The following MYO16 variants were observed in gnomAD, a reference collection of about 807,000 sequenced individuals.
The protein encoded by MYO16 is myosin XVI.
MYO16 carries 94 observed loss-of-function variants against 205.3 expected under a neutral mutation model. The observed-to-expected ratio is 0.46, with a 90% CI of 0.39 to 0.54. MYO16 has a LOEUF of 0.54. Ranked by LOEUF, MYO16 falls within the 20% of genes least tolerant of loss-of-function variation. MYO16 has a pLI of 0.00. For missense variants in MYO16, 2,315 were observed against 2,387.5 expected, an observed-to-expected ratio of 0.97 and a Z score of 0.63; for synonymous variants, 988 against 954.0, an observed-to-expected ratio of 1.04 and a Z score of -0.66.
chr13:108,660,796 G>A (rs1460659867), intron 1 of MYO16, among the ~76,000 whole-genome samples: 1 of 152,096 alleles, frequency 6.6e-6, no homozygotes, highest in Non-Finnish European at 1.5e-5. Context: ...TGAAATGTGA[G>A]GTATCATTGC....
the MYO16 span, among the ~76,000 whole-genome samples, chr13:108,499,666 A>G: frequency 6.6e-6 from 1 of 152,176 alleles, no homozygotes; most frequent in Non-Finnish European, 1.5e-5. Flanking sequence ...TTAGGTTTAC[A>G]CTCTCAACTG....
the MYO16 span, among the ~76,000 whole-genome samples, chr13:108,500,825 A>T: frequency 2.0e-5 from 3 of 152,018 alleles, no homozygotes; most frequent in Non-Finnish European, 4.4e-5. Flanking sequence ...GACTTGAATG[A>T]TTTTCTATCA....
At chr13:108,759,188 CCTT>C (rs1490064034) in intron 4 of MYO16, among the ~76,000 whole-genome samples, 1 of 151,888 alleles carries the variant, frequency 6.6e-6, no homozygotes, top group African/African-American at 2.4e-5. Context: ...AACATCTAAA[CCTT>C]CTAAAGATTT....
intron 20 of MYO16, among the ~76,000 whole-genome samples, chr13:108,966,809 A>T (rs1040236222): frequency 1.2e-4 from 18 of 152,184 alleles, no homozygotes; most frequent in African/African-American, 4.3e-4. Flanking sequence ...ATTTAAATTC[A>T]TGGAAAGCTT....
intron 34 of MYO16, among the ~76,000 whole-genome samples, chr13:109,203,557 T>G (rs1157550515): frequency 6.6e-6 from 1 of 152,160 alleles, no homozygotes; most frequent in Non-Finnish European, 1.5e-5. Context: ...AGTCTACCCC[T>G]GGTTCTCTCC....
At chr13:109,084,368 T>A (rs576159136) in intron 27 of MYO16, among the ~76,000 whole-genome samples, 3 of 150,904 alleles carry the variant, frequency 2.0e-5, no homozygotes, top group East Asian at 3.9e-4. Context: ...GACTTGATGA[T>A]GACTTTGACC....
intron 27 of MYO16, among the ~76,000 whole-genome samples, chr13:109,066,646 A>G (rs1413235073): frequency 2.0e-5 from 3 of 152,204 alleles, no homozygotes; most frequent in Non-Finnish European, 4.4e-5. Flanking sequence ...CTTTTTGTAT[A>G]AAGGACCAAA....
chr13:108,540,791 T>C, the MYO16 span, among the ~76,000 whole-genome samples: 3 of 152,114 alleles, frequency 2.0e-5, no homozygotes, highest in African/African-American at 4.8e-5. Flanking sequence ...AAGAGCTTAG[T>C]TGGATCAGAA....
intron 16 of MYO16, among the ~76,000 whole-genome samples, chr13:108,914,843 A>G (rs957755133): frequency 2.0e-5 from 3 of 152,064 alleles, no homozygotes; most frequent in African/African-American, 7.2e-5. Context: ...GGGTTTCACC[A>G]TGTTGGCCAG....
chr13:109,018,087 C>T (rs187160827), intron 22 of MYO16, among the ~76,000 whole-genome samples: 2 of 152,290 alleles, frequency 1.3e-5, no homozygotes, highest in East Asian at 3.9e-4. Flanking sequence ...TCTGGTTTCT[C>T]CCCATCTTTG....
intron 1 of MYO16, among the ~76,000 whole-genome samples, chr13:108,608,647 A>G (rs1197030937): frequency 1.1e-5 from 1 of 94,804 alleles, no homozygotes; most frequent in African/African-American, 3.5e-5. Flanking sequence ...ACTTACCCAC[A>G]AATGATTTTT....
intron 1 of MYO16, among the ~76,000 whole-genome samples, chr13:108,600,997 G>T (rs1462347787): frequency 1.3e-5 from 2 of 152,000 alleles, no homozygotes; most frequent in African/African-American, 4.8e-5. Context: ...AGAGAAAAAA[G>T]TAATCCCAGG....
At chr13:109,184,614 T>G (rs1332150477) in intron 34 of MYO16, among the ~76,000 whole-genome samples, 2 of 152,110 alleles carry the variant, frequency 1.3e-5, no homozygotes, top group Admixed American at 1.3e-4. Flanking sequence ...TTTGTGTGTG[T>G]GTTTGAGATA....
intron 16 of MYO16, among the ~76,000 whole-genome samples, chr13:108,932,541 T>C (rs893035281): frequency 6.6e-6 from 1 of 152,200 alleles, no homozygotes; most frequent in African/African-American, 2.4e-5. Context: ...TTAAATTCCT[T>C]CATTAAAATG....
chr13:108,804,008 G>T (rs1049082492), intron 6 of MYO16, among the ~76,000 whole-genome samples: 1 of 152,116 alleles, frequency 6.6e-6, no homozygotes, highest in Non-Finnish European at 1.5e-5. Context: ...TATCCTTGTG[G>T]CTTGACCTCA....
chr13:108,596,647 C>G (rs1426296585), intron 1 of MYO16, among the ~76,000 whole-genome samples: 1 of 152,102 alleles, frequency 6.6e-6, no homozygotes, highest in African/African-American at 2.4e-5. Context: ...TTTTCTTATT[C>G]AAGAGCACAT....
intron 32 of MYO16, among the ~76,000 whole-genome samples, chr13:109,156,935 T>TA: frequency 6.6e-6 from 1 of 152,198 alleles, no homozygotes; most frequent in Non-Finnish European, 1.5e-5. Context: ...CCAGTCCTAA[T>TA]AAATTCTCTT....
intron 27 of MYO16, among the ~76,000 whole-genome samples, chr13:109,071,558 G>A (rs1333687544): frequency 2.6e-5 from 4 of 152,100 alleles, no homozygotes; most frequent in African/African-American, 7.2e-5. Flanking sequence ...AATACAACAT[G>A]TGGCATTCAT....
intron 31 of MYO16, among the ~76,000 whole-genome samples, chr13:109,130,152 A>G (rs1876462266): frequency 6.6e-6 from 1 of 152,224 alleles, no homozygotes. Flanking sequence ...ATTCCTTATT[A>G]CATGCTATCA....
Sources: allele counts gnomAD v4.1 joint callset (sites outside exome capture counted in the v4.1 genomes callset), GRCh38; gene constraint gnomAD v4.1.1; transcripts MANE v1.5; gene names NCBI Gene and HGNC (gene_info 2026-07-23, HGNC 2026-07-21).